DPH1: variants seen among roughly 807,000 people sequenced by gnomAD.
The protein encoded by DPH1 is diphthamide biosynthesis 1.
Under a neutral mutation model 55.3 loss-of-function variants are expected in DPH1, and 59 were observed. The observed-to-expected ratio is 1.07, with a 90% confidence interval of 0.87 to 1.33. The LOEUF is 1.33. DPH1 is among the 40% of genes most tolerant of loss of function. DPH1 has a pLI of 0.00. For synonymous variants in DPH1, 238 were observed against 235.5 expected (o/e 1.01, Z -0.10); for missense variants, 628 against 584.8 (o/e 1.07, Z -0.76).
intron 3 of DPH1, among the ~76,000 whole-genome samples, chr17:2,034,502 T>TCTCCCCCATCCCCCTCCCCTG (rs1354919986): frequency 3.6e-5 from 1 of 28,046 alleles, no homozygotes; most frequent in Non-Finnish European, 7.1e-5. Context: ...CCCCTCCCCT[T>TCTCCCCCATCCCCCTCCCCTG]CTCCCCCATC....
In DPH1 at chr17:2,036,750, G is replaced by A. The variant is rs983917074; in HGVS notation, c.558+64G>A. On this transcript the variant is annotated intron_variant, in intron 5 of 12. Coordinates refer to ENST00000263083, the MANE Select transcript of DPH1 (RefSeq NM_001383.6). This position sits in a 1 kb window ranked among gnomAD's most constrained non-coding sequence, Gnocchi z 4.8. ...ACAGCGGCCACTCTCCAGCTGTTGC[G>A]GGATCCCCAGGTGCTCCAGGCTGTT... 2.7e-5 allele frequency: 44 copies of A among 1,607,782 alleles called. No homozygotes were observed. The highest frequency in any genetic ancestry group is 4.4e-5 in the South Asian group (4 of 90,524).
At chr17:2,033,260 G>A (rs1372640940) in intron 1 of DPH1, 1 of 586,680 alleles carries the variant, frequency 1.7e-6, no homozygotes, top group African/African-American at 1.9e-5. Flanking sequence ...AGGGAACCAG[G>A]CATCTCGTGA....
At chr17:2,042,127 GGGCGCTGAGGAA>G in intron 12 of DPH1, 9 of 1,558,472 alleles carry the variant, frequency 5.8e-6, no homozygotes, top group Non-Finnish European at 7.7e-6. Flanking sequence ...GAGAAGACCG[GGGCGCTGAGGAA>G]GGCGCTGCGG....
intron 6 of DPH1, among the ~76,000 whole-genome samples, chr17:2,037,832 A>T (rs114878745): frequency 0.011 from 1,654 of 152,280 alleles, 35 homozygotes; most frequent in African/African-American, 0.038. Flanking sequence ...TGAGCCTCAG[A>T]CACACTGCTT....
chr17:2,042,021 T>TGCTTCCGTC, intron 12 of DPH1, 146 bp downstream of exon 12: 1 of 1,497,090 alleles, frequency 6.7e-7, no homozygotes, highest in South Asian at 1.2e-5. Flanking sequence ...CCGCTTCCGG[T>TGCTTCCGTC]GCTTCCGTCG....
In DPH1 at chr17:2,041,523, C is replaced by A. The variant is rs765677788; in HGVS notation, c.1129C>A (p.Pro377Thr). The A allele has an allele frequency of 2.5e-6, 4 of 1,612,956 alleles. No individual in the cohort carries two copies. Among genetic ancestry groups the A allele is most frequent in the Non-Finnish European group, 3.4e-6 (4 of 1,179,742 alleles). Residue 377 changes from proline (P) to threonine (T), a missense_variant, in exon 11 of 13, where the codon CCG becomes ACG. Transcript: ENST00000263083. Reference sequence around the variant, plus strand: ...GGACATTTCCTGGCAGCAGCCCTACCCGATGGACTTCTACGCTGGCAGCTC... The same window carrying A: ...GGACATTTCCTGGCAGCAGCCCTACACGATGGACTTCTACGCTGGCAGCTC... ...LRDISWQQPY[P>T]MDFYAGSSLG...
chr17:2,033,024 G>A (rs144254000), intron 1 of DPH1, among the ~76,000 whole-genome samples: 1,962 of 152,322 alleles, frequency 0.013, 39 homozygotes, highest in African/African-American at 0.044. Context: ...GAGCCACTGC[G>A]CCCGGCTGCA....
In DPH1 at chr17:2,040,513, A is replaced by AAG. The variant is rs1443801605; in HGVS notation, c.915_916insAG (p.Arg307LeufsTer11). 2.5e-6 allele frequency: 4 copies of AAG among 1,614,172 alleles called. No homozygotes were observed. In the South Asian group the frequency reaches 3.3e-5, roughly 13 times the overall value. On this transcript the variant is annotated frameshift_variant, in exon 9 of 13. Transcript: ENST00000263083. LOFTEE classifies it high-confidence loss of function. ...CCTCCCTCTCCCAACAGCACCTGGA[A>AAG]TCTCGACTCCGAGCCTTGGGCCTTT... is the stretch of plus-strand genomic sequence containing the variant.
intron 6 of DPH1, among the ~76,000 whole-genome samples, chr17:2,038,634 C>A (rs949222738): frequency 6.6e-6 from 1 of 152,154 alleles, no homozygotes; most frequent in Non-Finnish European, 1.5e-5. Context: ...TTATGAGATC[C>A]TAATGCCTGA....
chr17:2,042,091 T>C, intron 12 of DPH1: 1 of 1,568,130 alleles, frequency 6.4e-7, no homozygotes, highest in Non-Finnish European at 8.6e-7. Context: ...CTGGCGGGCT[T>C]CCGGCAGAGC....
At chr17:2,033,965 T>A in intron 3 of DPH1, 123 bp downstream of exon 3, 1 of 1,094,936 alleles carries the variant, frequency 9.1e-7, no homozygotes, top group Non-Finnish European at 1.3e-6. Context: ...ACCTTCCCCC[T>A]TTCCCTCCCA....
intron 1 of DPH1, among the ~76,000 whole-genome samples, chr17:2,032,707 A>T (rs866641665): frequency 1.3e-5 from 2 of 152,100 alleles, no homozygotes; most frequent in African/African-American, 2.4e-5. Flanking sequence ...TAAGACCTAA[A>T]CTTCCTGATG....
intron 6 of DPH1, among the ~76,000 whole-genome samples, chr17:2,037,800 G>A (rs962560179): frequency 2.0e-5 from 3 of 152,200 alleles, no homozygotes; most frequent in Admixed American, 1.3e-4. Context: ...ATGTCTGGGG[G>A]CACACTTGGT....
In DPH1 at chr17:2,036,419, T is replaced by C. The variant is rs1255293729; in HGVS notation, c.401-110T>C. ...CCCCCTCTTCTCCTACCCTGTCCTT[T>C]TACCCCCAGGCTGAAGCCACTGCGC... On this transcript the variant is annotated intron_variant, in intron 4 of 12. Coordinates refer to ENST00000263083, the MANE Select transcript of DPH1 (RefSeq NM_001383.6). The surrounding 1 kb of genome is among the most constrained non-coding windows in gnomAD (Gnocchi z 4.8). The C allele has an allele frequency of 7.1e-7, 1 of 1,407,138 alleles. No homozygotes were observed. The highest frequency in any genetic ancestry group is 1.4e-5 in the African/African-American group (1 of 70,362). The allele number at this position is 1,407,138 out of a possible 1,614,324, so 87.2% of individuals were successfully genotyped here.
intron 6 of DPH1, chr17:2,039,423 G>C (rs542335657): frequency 3.7e-4 from 69 of 187,846 alleles, no homozygotes; most frequent in Admixed American, 2.9e-4. Flanking sequence ...TGTCACCCAG[G>C]CTGGAGTGCA....
chr17:2,040,316 A>C lies in DPH1; in HGVS notation c.848A>C (p.Lys283Thr), dbSNP rs1402629649. ...GCCATAGCCACTGCCCGCTCAGCTAAGTCCTGGGGCCTTATTCTGGGCACT... is the reference window on the plus strand; with the variant it reads ...GCCATAGCCACTGCCCGCTCAGCTACGTCCTGGGGCCTTATTCTGGGCACT... ...QEAIATARSA[K>T]SWGLILGTLG... Residue 283 changes from lysine (K) to threonine (T), a missense_variant, in exon 8 of 13, where the codon AAG becomes ACG. Lys to Thr is a moderately conservative substitution (Grantham distance 78, BLOSUM62 -1). Coordinates refer to ENST00000263083, the MANE Select transcript of DPH1 (RefSeq NM_001383.6). 3.1e-6 allele frequency: 5 copies of C among 1,613,958 alleles called. No homozygotes were observed. The highest frequency in any genetic ancestry group is 4.2e-6 in the Non-Finnish European group (5 of 1,180,034).
Position 2,030,246 on chromosome 17 carries a change from C to G in DPH1, c.61+16C>G. ...CCTGGCAGAGGTGGGTGCTGGAACGCTGCGCCCTCCAGACCTCGCATCTCG... is the reference window on the plus strand; with the variant it reads ...CCTGGCAGAGGTGGGTGCTGGAACGGTGCGCCCTCCAGACCTCGCATCTCG... On this transcript the variant is annotated intron_variant, in intron 1 of 12. Coordinates refer to ENST00000263083, the MANE Select transcript of DPH1 (RefSeq NM_001383.6). 1 of 1,566,068 alleles carries G rather than the reference C, an allele frequency of 6.4e-7. No individual in the cohort carries two copies.
At chr17:2,042,200 C>T (rs2067548173) in intron 12 of DPH1, 2 of 1,433,520 alleles carry the variant, frequency 1.4e-6, no homozygotes, top group Non-Finnish European at 1.8e-6. Context: ...TCCCCGACCC[C>T]CCGGGCCCCG....
rs142162431 is a variant in DPH1, at chr17:2,033,457, G to A, written c.62-48G>A. ...AGGGATCCCTATTCCATCTCAATCT[G>A]GCTTCAGCCAAAGACAGACACCAAC... On this transcript the variant is annotated intron_variant, in intron 1 of 12. Transcript: ENST00000263083. 396 of 1,612,580 alleles carry A rather than the reference G, an allele frequency of 2.5e-4. 2 individuals are homozygous for A. The African/African-American group carries it at 3.9e-3, about 16-fold the overall frequency.
Sources: gnomAD v4.1 joint callset for allele counts (sites outside exome capture counted in the v4.1 genomes callset) on GRCh38, gnomAD v4.1.1 for gene constraint, Gnocchi (gnomAD v3.1) non-coding constraint, MANE v1.5 for transcripts, NCBI Gene and HGNC (gene_info 2026-07-23, HGNC 2026-07-21) for gene names.